MIPOL1: variants seen among roughly 807,000 people sequenced by gnomAD.
The protein encoded by MIPOL1 is mirror-image polydactyly gene 1 protein.
A neutral mutation model predicts 60.9 loss-of-function variants in MIPOL1; 57 were observed. The ratio of observed to expected loss-of-function variants is 0.94; its 90% CI spans 0.76 to 1.17. The LOEUF is 1.17. Among genes scored for constraint, MIPOL1 ranks in the 50% most tolerant of loss-of-function variants. The pLI is 0.00. For synonymous variants in MIPOL1, 179 were observed against 168.8 expected (o/e 1.06, Z -0.47); for missense variants, 551 against 511.6 (o/e 1.08, Z -0.74).
chr14:37,426,111 G>C (rs538485888), intron 11 of MIPOL1, among the ~76,000 whole-genome samples: 17 of 152,184 alleles, frequency 1.1e-4, no homozygotes, highest in Admixed American at 2.0e-4. Context: ...CCACAATAAA[G>C]AATTCTTATA....
intron 3 of MIPOL1, among the ~76,000 whole-genome samples, chr14:37,254,289 G>A (rs2415391): frequency 0.3 from 45,611 of 151,452 alleles, 7,076 homozygotes; most frequent in East Asian, 0.46. Context: ...CTCTTGGACT[G>A]AGTAGAAAAA....
At chr14:37,258,722 A>C (rs1031260589) in intron 3 of MIPOL1, among the ~76,000 whole-genome samples, 2 of 152,130 alleles carry the variant, frequency 1.3e-5, no homozygotes, top group African/African-American at 4.8e-5. Flanking sequence ...TAAAAGCTTA[A>C]ACATATGATA....
chr14:37,453,786 A>G (rs963217126), intron 11 of MIPOL1, among the ~76,000 whole-genome samples: 3 of 152,242 alleles, frequency 2.0e-5, no homozygotes, highest in Non-Finnish European at 4.4e-5. Flanking sequence ...GAACCAAAGC[A>G]TCCTAATCAA....
At chr14:37,414,257 A>G (rs1056059528) in intron 10 of MIPOL1, among the ~76,000 whole-genome samples, 1 of 152,202 alleles carries the variant, frequency 6.6e-6, no homozygotes, top group Non-Finnish European at 1.5e-5. Flanking sequence ...CAATAGTCCA[A>G]ACATTTCCTA....
intron 12 of MIPOL1, chr14:37,545,680 C>T: frequency 1.5e-6 from 1 of 656,032 alleles, no homozygotes; most frequent in East Asian, 2.9e-5. Context: ...TTGATAGATA[C>T]AAAATCATCC....
At chr14:37,327,453 A>G (rs1248640435) in intron 9 of MIPOL1, among the ~76,000 whole-genome samples, 2 of 151,990 alleles carry the variant, frequency 1.3e-5, no homozygotes, top group African/African-American at 4.8e-5. Flanking sequence ...ACACCCGGCT[A>G]CTTTTTGATT....
At chr14:37,310,130 C>G (rs977617435) in intron 9 of MIPOL1, among the ~76,000 whole-genome samples, 11 of 152,092 alleles carry the variant, frequency 7.2e-5, no homozygotes, top group Non-Finnish European at 1.5e-4. Context: ...ATAATATACC[C>G]TCATTTCTCT....
intron 11 of MIPOL1, among the ~76,000 whole-genome samples, chr14:37,460,762 C>T (rs2094529939): frequency 6.6e-6 from 1 of 152,042 alleles, no homozygotes; most frequent in Non-Finnish European, 1.5e-5. Flanking sequence ...TTTACAATAG[C>T]CACACAAGAA....
intron 10 of MIPOL1, among the ~76,000 whole-genome samples, chr14:37,381,980 C>T (rs936161797): frequency 8.6e-5 from 13 of 151,996 alleles, no homozygotes; most frequent in Admixed American, 2.0e-4. Flanking sequence ...AGTTCCTCAA[C>T]CTTAGTTTTG....
chr14:37,535,767 AAATG>A (rs1437605117), intron 12 of MIPOL1, among the ~76,000 whole-genome samples: 7 of 152,378 alleles, frequency 4.6e-5, no homozygotes, highest in African/African-American at 1.4e-4. Context: ...AAATATGCAT[AAATG>A]AATGAATGAC....
At chr14:37,303,929 G>A (rs139886708) in intron 7 of MIPOL1, among the ~76,000 whole-genome samples, 1 of 151,808 alleles carries the variant, frequency 6.6e-6, no homozygotes, top group East Asian at 1.9e-4. Context: ...GTCAGGGAAG[G>A]CCACACATAC....
At chr14:37,256,509 A>T (rs1019711519) in intron 3 of MIPOL1, among the ~76,000 whole-genome samples, 6 of 152,066 alleles carry the variant, frequency 3.9e-5, no homozygotes, top group African/African-American at 1.2e-4. Flanking sequence ...AAATGTTGCA[A>T]ATTTGGAGTC....
chr14:37,540,807 C>T (rs1050006923), intron 12 of MIPOL1, among the ~76,000 whole-genome samples: 19 of 152,302 alleles, frequency 1.2e-4, no homozygotes, highest in African/African-American at 4.6e-4. Context: ...GCCTTTCTCC[C>T]TTACCCCATG....
intron 1 of MIPOL1, among the ~76,000 whole-genome samples, chr14:37,221,217 T>C (rs190283569): frequency 1.4e-4 from 22 of 152,320 alleles, no homozygotes; most frequent in African/African-American, 3.8e-4. Context: ...ATTTGACTTA[T>C]GGTTCTGGAG....
intron 9 of MIPOL1, among the ~76,000 whole-genome samples, chr14:37,310,378 CT>C (rs1308488415): frequency 6.6e-6 from 1 of 152,042 alleles, no homozygotes; most frequent in Non-Finnish European, 1.5e-5. Flanking sequence ...ACTATTTTAT[CT>C]CTTCTTTCTC....
intron 9 of MIPOL1, among the ~76,000 whole-genome samples, chr14:37,334,562 T>A (rs986755477): frequency 3.3e-5 from 5 of 151,968 alleles, no homozygotes; most frequent in African/African-American, 9.7e-5. Context: ...CAATATAATA[T>A]TTTTCGGTAT....
intron 9 of MIPOL1, 140 bp downstream of exon 9, chr14:37,308,659 A>G (rs927649668): frequency 2.9e-5 from 13 of 454,918 alleles, no homozygotes; most frequent in Admixed American, 4.2e-5. Flanking sequence ...GTGATTAGCT[A>G]TATTAAAATA....
At chr14:37,228,437 T>A (rs544202485) in intron 1 of MIPOL1, among the ~76,000 whole-genome samples, 1 of 151,896 alleles carries the variant, frequency 6.6e-6, no homozygotes, top group African/African-American at 2.4e-5. Flanking sequence ...TGACTTCTGA[T>A]TAAAACATTT....
rs780589560 is a variant in MIPOL1, at chr14:37,308,389, C to T, written c.698C>T (p.Thr233Ile). The change falls in exon 9 of 13, where the codon ACA (threonine) becomes ATA (isoleucine). Residue 233 changes from threonine to isoleucine, a missense_variant. Physicochemically the swap from Thr to Ile is moderately conservative, Grantham distance 89. Coordinates refer to ENST00000684589, the MANE Select transcript of MIPOL1 (RefSeq NM_001388067.1). The part of the protein sequence containing the change: ...ELLNRINNAD[T>I]GIAIQKNGAI... ...CTGAACAGAATAAACAATGCAGACA[C>T]AGGGATAGCTATTCAGAAGAATGGA... is the stretch of plus-strand genomic sequence containing the variant. The T allele has an allele frequency of 6.3e-7, 1 of 1,595,582 alleles. No homozygotes were observed. Among genetic ancestry groups the T allele is most frequent in the South Asian group, 1.1e-5 (1 of 87,514 alleles).
Sources: allele counts gnomAD v4.1 joint callset (sites outside exome capture counted in the v4.1 genomes callset), GRCh38; gene constraint gnomAD v4.1.1; transcripts MANE v1.5; gene names NCBI Gene and HGNC (gene_info 2026-07-23, HGNC 2026-07-21).